Variants in PDGFRA observed in about 807,000 individuals in gnomAD.
PDGFRA encodes platelet-derived growth factor receptor alpha.
In PDGFRA, 25 loss-of-function variants were observed where a neutral mutation model predicts 121.5. The observed-to-expected ratio is 0.21, with a 90% CI of 0.15 to 0.29. PDGFRA has a LOEUF of 0.29. Among genes scored for constraint, PDGFRA ranks in the 10% least tolerant of loss-of-function variants. The probability of loss-of-function intolerance (pLI) is 1.00; values close to 1 mark genes in which losing one functional copy is unlikely to be tolerated. For missense variants in PDGFRA, 1,008 were observed against 1,345.1 expected, an observed-to-expected ratio of 0.75 and a Z score of 3.92; for synonymous variants, 463 against 494.8, an observed-to-expected ratio of 0.94 and a Z score of 0.85.
At chr4:54,263,984 T>G in intron 4 of PDGFRA, 57 bp downstream of exon 4, 2 of 1,522,026 alleles carry the variant, frequency 1.3e-6, no homozygotes, top group Non-Finnish European at 1.8e-6. Context: ...AATCATAAGG[T>G]GCGTGTAGGA....
At chr4:54,261,486 A>G in intron 3 of PDGFRA, 74 bp downstream of exon 3, 1 of 873,382 alleles carries the variant, frequency 1.1e-6, no homozygotes, top group Non-Finnish European at 1.8e-6. Context: ...AAGGTTTTAA[A>G]CATATATATA....
intron 5 of PDGFRA, among the ~76,000 whole-genome samples, chr4:54,265,693 A>G (rs1251347636): frequency 6.6e-6 from 1 of 152,186 alleles, no homozygotes; most frequent in Non-Finnish European, 1.5e-5. Flanking sequence ...GGGAGCCACC[A>G]TGCTGCCTCT....
chr4:54,241,419 T>C (rs1162555753), intron 1 of PDGFRA, among the ~76,000 whole-genome samples: 3 of 152,114 alleles, frequency 2.0e-5, no homozygotes, highest in Admixed American at 2.0e-4. Flanking sequence ...AGTCAGAAAG[T>C]CCAAGCATGT....
chr4:54,245,505 G>A (rs1415738423), intron 1 of PDGFRA, among the ~76,000 whole-genome samples: 6 of 152,100 alleles, frequency 3.9e-5, no homozygotes, highest in Non-Finnish European at 8.8e-5. Context: ...TTACAGACAA[G>A]CAAATGCTGA....
intron 18 of PDGFRA, among the ~76,000 whole-genome samples, chr4:54,286,694 G>A (rs1724380813): frequency 6.6e-6 from 1 of 152,138 alleles, no homozygotes; most frequent in African/African-American, 2.4e-5. Context: ...GTGTATGCAT[G>A]GACAAGCATG....
At chr4:54,287,618 A>G (rs1229649321) in intron 19 of PDGFRA, 77 bp downstream of exon 19, 1 of 781,206 alleles carries the variant, frequency 1.3e-6, no homozygotes, top group Non-Finnish European at 2.4e-6. Flanking sequence ...TTCAAGCCCC[A>G]GGATGTAGAC....
At chr4:54,278,610 C>A in intron 15 of PDGFRA, 95 bp downstream of exon 15, 2 of 1,261,176 alleles carry the variant, frequency 1.6e-6, no homozygotes, top group Admixed American at 1.7e-5. Flanking sequence ...TCTGCAGATT[C>A]AGTGCCCAAG....
chr4:54,282,302 T>C (rs1724120861), intron 16 of PDGFRA, among the ~76,000 whole-genome samples: 2 of 152,184 alleles, frequency 1.3e-5, no homozygotes, highest in Non-Finnish European at 2.9e-5. Flanking sequence ...ATCAAGATAC[T>C]GGTAGATCTG....
chr4:54,279,902 T>TTATATATATATATATATATATATATATA (rs34230327), intron 15 of PDGFRA, among the ~76,000 whole-genome samples: 1 of 147,606 alleles, frequency 6.8e-6, no homozygotes, highest in African/African-American at 2.5e-5. Flanking sequence ...TATAGCTGAG[T>TTATATATATATATATATATATATATATA]TACATATATA....
In PDGFRA at chr4:54,287,414, C is replaced by G. The variant is rs779684554; in HGVS notation, c.2563-16C>G. 4 of 1,019,054 alleles carry G rather than the reference C, an allele frequency of 3.9e-6. No individual in the cohort carries two copies. The Admixed American group carries it at 5.1e-5, about 13-fold the overall frequency. 63.1% of individuals were successfully genotyped at this position (1,019,054 alleles called of 1,614,324 possible). A position where few individuals can be genotyped will look rare whatever the true frequency, so the allele number is the denominator to read the frequency against. ...TGAGTAGACATGGGTTTAACTGTCT[C>G]CCTCCTTCCTTGCAGACCTTTCTGC... On this transcript the variant is annotated splice_polypyrimidine_tract_variant and intron_variant, in intron 18 of 22. Coordinates refer to ENST00000257290, the MANE Select transcript of PDGFRA (RefSeq NM_006206.6).
Position 54,290,440 on chromosome 4 carries a change from G to A in PDGFRA, c.3008G>A (p.Trp1003Ter). Residue 1003 changes from tryptophan (W) to a stop codon, truncating the protein, a stop_gained, in exon 22 of 23, where the codon TGG becomes TAG. Transcript: ENST00000257290. LOFTEE classifies it high-confidence loss of function. Reference protein sequence around the residue: ...YKNEEDKLKDWEGGLDEQRLS... With the variant: ...YKNEEDKLKD The stretch of plus-strand genomic sequence containing the variant: ...AACGAGGAAGACAAGCTGAAGGACT[G>A]GGAGGGTGGTCTGGATGAGCAGAGA... 3.1e-6 allele frequency: 5 copies of A among 1,614,078 alleles called. No homozygotes were observed. The highest frequency in any genetic ancestry group is 3.4e-6 in the Non-Finnish European group (4 of 1,179,908).
intron 12 of PDGFRA, chr4:54,276,697 T>G (rs1463082153): frequency 6.5e-6 from 1 of 152,690 alleles, no homozygotes; most frequent in African/African-American, 2.4e-5. Flanking sequence ...TGGCTGTTAG[T>G]GTCTTTTATG....
At chr4:54,275,056 A>T in intron 12 of PDGFRA, 83 bp downstream of exon 12, 1 of 1,463,516 alleles carries the variant, frequency 6.8e-7, no homozygotes, top group Non-Finnish European at 9.5e-7. Context: ...CAGAATAGAG[A>T]TCTGAGCTTG....
intron 19 of PDGFRA, among the ~76,000 whole-genome samples, chr4:54,288,254 A>G (rs1724450895): frequency 6.6e-6 from 1 of 152,186 alleles, no homozygotes; most frequent in African/African-American, 2.4e-5. Context: ...GAAATGTTTC[A>G]TGAATTTATC....
intron 22 of PDGFRA, among the ~76,000 whole-genome samples, chr4:54,293,067 T>C (rs1420760572): frequency 6.6e-6 from 1 of 152,242 alleles, no homozygotes; most frequent in African/African-American, 2.4e-5. Flanking sequence ...TGTTTTGTTC[T>C]GTCTGAGATC....
intron 7 of PDGFRA, among the ~76,000 whole-genome samples, 168 bp from the exon 8 acceptor site, chr4:54,270,465 G>T (rs1436517336): frequency 1.3e-5 from 2 of 152,120 alleles, no homozygotes. Flanking sequence ...CAGACCTTCA[G>T]TGTGTGCACT....
Position 54,273,587 on chromosome 4 carries a change from T to G in PDGFRA, c.1415T>G (p.Ile472Ser), listed in dbSNP as rs201223501. The change falls in exon 10 of 23, where the codon ATC becomes AGC. Residue 472 changes from isoleucine (I) to serine (S), a missense_variant. By Grantham distance (142) the Ile-to-Ser change is moderately radical. Around this residue, in one of 5 missense-constraint regions of PDGFRA, gnomAD observed 575 missense variants for 701.8 expected, o/e 0.82. Transcript: ENST00000257290. ...WTILANNVSNIITEIHSRDRS... is the reference protein window; with the variant it reads ...WTILANNVSNSITEIHSRDRS... ...ATTTTGGCCAACAATGTCTCAAACA[T>G]CATCACGGAGATCCACTCCCGAGAC... The G allele has an allele frequency of 1.7e-5, 27 of 1,614,034 alleles. No homozygotes were observed. The East Asian group carries it at 6.0e-4, about 36-fold the overall frequency.
chr4:54,272,445 G>C lies in PDGFRA; in HGVS notation c.1289G>C (p.Gly430Ala). 2 of 1,613,972 alleles carry C rather than the reference G, an allele frequency of 1.2e-6. No homozygotes were observed. Among genetic ancestry groups the C allele is most frequent in the South Asian group, 2.2e-5 (2 of 91,078 alleles). ...LVDDHHGSTG[G>A]QTVRCTAEGT... ...GATGATCACCATGGCTCAACTGGGG[G>C]ACAGACGGTGAGGTGCACAGCTGAA... Residue 430 changes from glycine (G) to alanine (A), a missense_variant, in exon 9 of 23, where the codon GGA becomes GCA. By Grantham distance (60) the Gly-to-Ala change is moderately conservative. Transcript: ENST00000257290.
intron 1 of PDGFRA, among the ~76,000 whole-genome samples, chr4:54,255,784 C>T (rs1358078923): frequency 6.6e-6 from 1 of 151,954 alleles, no homozygotes; most frequent in Non-Finnish European, 1.5e-5. Context: ...GGATTACAGG[C>T]GTGAGCCACT....
Sources: allele counts gnomAD v4.1 joint callset (sites outside exome capture counted in the v4.1 genomes callset), GRCh38; gene constraint gnomAD v4.1.1; regional missense constraint gnomAD v4.1.1; transcripts MANE v1.5; gene names NCBI Gene and HGNC (gene_info 2026-07-23, HGNC 2026-07-21).